The following CDH23 variants were observed in gnomAD, a reference collection of about 807,000 sequenced individuals.
CDH23 encodes cadherin-23.
Under a neutral mutation model 317.1 loss-of-function variants are expected in CDH23, and 189 were observed. The ratio of observed to expected loss-of-function variants is 0.60; its 90% CI spans 0.53 to 0.67. The LOEUF (loss-of-function observed/expected upper bound fraction) is 0.67. Ranked by LOEUF, CDH23 falls within the 30% of genes least tolerant of loss-of-function variation. CDH23 has a pLI of 0.00. For missense variants in CDH23, 4,401 were observed against 4,592.4 expected, an observed-to-expected ratio of 0.96 and a Z score of 1.20; for synonymous variants, 1,839 against 1,876.8, an observed-to-expected ratio of 0.98 and a Z score of 0.52.
At chr10:71,713,501 T>C (rs1320505989) in intron 28 of CDH23, 1 of 549,840 alleles carries the variant, frequency 1.8e-6, no homozygotes, top group African/African-American at 1.9e-5. Context: ...GACAGAAGCG[T>C]GGGAGGCTGG....
chr10:71,679,424 C>A lies in CDH23; in HGVS notation c.1790C>A (p.Thr597Asn). ...GACTCCCCTCCCAACAACCAGATCA[C>A]CTACAGCATTGTCAGTGCATCTGCC... is the stretch of plus-strand genomic sequence containing the variant. ...DEDSPPNNQI[T>N]YSIVSASAFG... The change falls in exon 17 of 70, where the codon ACC (threonine) becomes AAC (asparagine). Residue 597 changes from threonine (T) to asparagine (N), a missense_variant. Around this residue, in one of 3 missense-constraint regions of CDH23, gnomAD observed 3,068 missense variants for 3,203.3 expected, o/e 0.96. Transcript: ENST00000224721. The A allele has an allele frequency of 6.2e-7, 1 of 1,613,722 alleles. No homozygotes were observed. Among genetic ancestry groups the A allele is most frequent in the Non-Finnish European group, 8.5e-7 (1 of 1,179,744 alleles).
At chr10:71,622,520 G>T (rs1236394856) in intron 11 of CDH23, among the ~76,000 whole-genome samples, 3 of 152,182 alleles carry the variant, frequency 2.0e-5, no homozygotes, top group Non-Finnish European at 2.9e-5. Context: ...GGGGGCGGGG[G>T]ACGGAGGCAG....
chr10:71,417,588 A>T (rs909313227), intron 1 of CDH23, among the ~76,000 whole-genome samples: 1 of 152,020 alleles, frequency 6.6e-6, no homozygotes, highest in Non-Finnish European at 1.5e-5. Flanking sequence ...ATATCTCTTA[A>T]GCTATTTTAT....
intron 6 of CDH23, among the ~76,000 whole-genome samples, chr10:71,564,785 T>C (rs1415920771): frequency 1.3e-5 from 2 of 152,348 alleles, no homozygotes; most frequent in East Asian, 1.9e-4. Flanking sequence ...TTGTTAAATA[T>C]TTGGTAGAAT....
chr10:71,800,483 C>CT (rs1175187095), intron 52 of CDH23, among the ~76,000 whole-genome samples, 153 bp from the exon 53 acceptor site: 2 of 152,278 alleles, frequency 1.3e-5, no homozygotes, highest in African/African-American at 4.8e-5. Context: ...GCAAGAAGAG[C>CT]CCCTAGAATG....
chr10:71,753,121 C>T, intron 38 of CDH23: 7 of 1,165,466 alleles, frequency 6.0e-6, no homozygotes, highest in Non-Finnish European at 8.4e-6. Flanking sequence ...GGGCCCTGCA[C>T]AGCTCCGGAC....
chr10:71,751,196 G>A lies in CDH23; in HGVS notation c.4845+9275G>A, dbSNP rs1170122026. 6.4e-7 allele frequency: 1 copy of A among 1,572,890 alleles called. No homozygotes were observed. Among genetic ancestry groups the A allele is most frequent in the Non-Finnish European group, 8.7e-7 (1 of 1,155,404 alleles). On this transcript the variant is annotated intron_variant, in intron 38 of 69. Transcript: ENST00000224721. This position sits in a 1 kb window ranked among gnomAD's most constrained non-coding sequence, Gnocchi z 4.9. ...GGAGGCCACTCACAGAGCCAGCCCT[G>A]GCTCAAATGCACCTGCCCCAGACCC... is the stretch of plus-strand genomic sequence containing the variant.
chr10:71,524,176 G>A (rs1854880123), intron 6 of CDH23, among the ~76,000 whole-genome samples: 1 of 152,160 alleles, frequency 6.6e-6, no homozygotes, highest in East Asian at 1.9e-4. Context: ...AGCTTCTTAC[G>A]GGTGACTGTG....
chr10:71,805,035 G>A (rs1053073331), intron 55 of CDH23, among the ~76,000 whole-genome samples: 1 of 152,152 alleles, frequency 6.6e-6, no homozygotes, highest in African/African-American at 2.4e-5. Context: ...AGACGTAACT[G>A]CCATTTAGAA....
intron 6 of CDH23, among the ~76,000 whole-genome samples, chr10:71,558,282 G>A (rs888729858): frequency 4.6e-5 from 7 of 152,218 alleles, no homozygotes; most frequent in Non-Finnish European, 7.3e-5. Context: ...TTACAGGCAT[G>A]AGCCACCATG....
chr10:71,641,454 T>C (rs1156847181), intron 11 of CDH23, among the ~76,000 whole-genome samples: 1 of 152,206 alleles, frequency 6.6e-6, no homozygotes, highest in Admixed American at 6.5e-5. Context: ...GGCATCTGCC[T>C]GGGACTCCAA....
chr10:71,570,653 C>T, intron 7 of CDH23, 137 bp from the exon 8 acceptor site: 1 of 923,842 alleles, frequency 1.1e-6, no homozygotes, highest in African/African-American at 1.7e-5. Context: ...AGTGCAAGAG[C>T]ATGGGTGTGT....
At chr10:71,446,010 G>A (rs954055325) in intron 2 of CDH23, among the ~76,000 whole-genome samples, 1 of 152,040 alleles carries the variant, frequency 6.6e-6, no homozygotes, top group African/African-American at 2.4e-5. Context: ...TTTTCATACA[G>A]AGGCTTCTAA....
rs780519867 is a variant in CDH23 at position 71,751,261 on chromosome 10, C to T, written c.4845+9340C>T. 42 of 1,609,910 alleles carry T rather than the reference C, an allele frequency of 2.6e-5. No homozygotes were observed. The highest frequency in any genetic ancestry group is 3.3e-5 in the Non-Finnish European group (39 of 1,177,856). ...ACTGTCCCCCAGCTGGGCTAGATGACCTCAAAGTTTGGAGAGTCAGGGACA... is the reference window on the plus strand; with the variant it reads ...ACTGTCCCCCAGCTGGGCTAGATGATCTCAAAGTTTGGAGAGTCAGGGACA... On this transcript the variant is annotated intron_variant, in intron 38 of 69. Coordinates refer to ENST00000224721, the MANE Select transcript of CDH23 (RefSeq NM_022124.6). The surrounding 1 kb of genome is among the most constrained non-coding windows in gnomAD (Gnocchi z 4.9).
At chr10:71,800,938 G>GCTT (rs2132972377) in intron 53 of CDH23, among the ~76,000 whole-genome samples, 183 bp downstream of exon 53, 1 of 152,250 alleles carries the variant, frequency 6.6e-6, no homozygotes, top group East Asian at 1.9e-4. Context: ...TGTGGCTTAG[G>GCTT]AAGACAGGGA....
chr10:71,433,629 G>T (rs1020747815), intron 1 of CDH23, among the ~76,000 whole-genome samples: 1 of 151,476 alleles, frequency 6.6e-6, no homozygotes, highest in East Asian at 2.0e-4. Flanking sequence ...TGCCAGACTC[G>T]CCATGTCTCA....
chr10:71,527,588 G>A (rs1334226885), intron 6 of CDH23, among the ~76,000 whole-genome samples: 1 of 152,204 alleles, frequency 6.6e-6, no homozygotes, highest in Non-Finnish European at 1.5e-5. Context: ...TGTGAGAACA[G>A]TGTCCACATG....
At chr10:71,754,984 T>C in intron 38 of CDH23, 1 of 428,686 alleles carries the variant, frequency 2.3e-6, no homozygotes, top group African/African-American at 2.0e-5. Context: ...TCCCAACAAT[T>C]GCTACTAATT....
At chr10:71,796,072 G>A (rs1342407403) in intron 48 of CDH23, 35 of 987,174 alleles carry the variant, frequency 3.5e-5, no homozygotes, top group African/African-American at 1.2e-4. Context: ...AGGAGGAGGC[G>A]GCCCAGGGTA....
Sources: allele counts gnomAD v4.1 joint callset (sites outside exome capture counted in the v4.1 genomes callset), GRCh38; gene constraint gnomAD v4.1.1; regional missense constraint gnomAD v4.1.1; non-coding constraint Gnocchi (gnomAD v3.1); transcripts MANE v1.5; gene names NCBI Gene and HGNC (gene_info 2026-07-23, HGNC 2026-07-21).